SND1: variants seen among roughly 807,000 people sequenced by gnomAD.
The protein encoded by SND1 is staphylococcal nuclease and tudor domain containing 1.
Under a neutral mutation model 121.7 loss-of-function variants are expected in SND1, and 38 were observed. That is an observed-to-expected ratio of 0.31 (90% CI 0.24 to 0.41). The LOEUF (loss-of-function observed/expected upper bound fraction) is 0.41, where lower values mean the gene tolerates loss of function less well. Ranked by LOEUF, SND1 falls within the 10% of genes least tolerant of loss-of-function variation. The pLI, the probability that SND1 is intolerant of heterozygous loss-of-function variation, is 1.00. For synonymous variants in SND1, 401 were observed against 447.4 expected (o/e 0.90, Z 1.31); for missense variants, 868 against 1,184.6 (o/e 0.73, Z 3.92).
chr7:127,782,781 G>C (rs1041908139), intron 10 of SND1, among the ~76,000 whole-genome samples: 1 of 152,184 alleles, frequency 6.6e-6, no homozygotes, highest in African/African-American at 2.4e-5. Flanking sequence ...CTGTAGTGGG[G>C]GCAGGGAGAG....
At chr7:127,778,477 G>A (rs762088604) in intron 10 of SND1, among the ~76,000 whole-genome samples, 14 of 152,196 alleles carry the variant, frequency 9.2e-5, no homozygotes, top group South Asian at 2.1e-4. Flanking sequence ...GATTACAGGC[G>A]TGAGCCACCG....
intron 10 of SND1, among the ~76,000 whole-genome samples, chr7:127,764,045 AAAAAAAAC>A (rs906237118): frequency 4.8e-4 from 71 of 146,526 alleles, no homozygotes; most frequent in African/African-American, 8.2e-4. Flanking sequence ...TCGCAAAAAA[AAAAAAAAC>A]AAAAAAACAA....
At chr7:127,993,555 C>T (rs1244835734) in intron 16 of SND1, among the ~76,000 whole-genome samples, 1 of 152,250 alleles carries the variant, frequency 6.6e-6, no homozygotes, top group Admixed American at 6.5e-5. Context: ...CAGGAACTCT[C>T]CTGGAGCTGA....
chr7:128,092,433 T>TC lies in SND1; in HGVS notation c.*378dup, dbSNP rs1200734727. 1 of 250,292 alleles carries TC rather than the reference T, an allele frequency of 4.0e-6. No individual in the cohort carries two copies. The highest frequency in any genetic ancestry group is 4.9e-5 in the Admixed American group (1 of 20,394). 15.5% of individuals were successfully genotyped at this position (250,292 alleles called of 1,614,324 possible). ...GGCCGCCAGCTGGCACCTGCCTCTA[T>TC]CCCAGACTGCCCTCGTCCCAGCTCT... On this transcript the variant is annotated 3_prime_UTR_variant, in exon 24 of 24. Transcript: ENST00000354725. The surrounding 1 kb of genome is among the most constrained non-coding windows in gnomAD (Gnocchi z 4.9).
chr7:127,922,683 T>C (rs3808082), intron 14 of SND1, among the ~76,000 whole-genome samples: 90,277 of 152,044 alleles, frequency 0.59, 27,228 homozygotes, highest in East Asian at 0.75. Flanking sequence ...TTCCTTCTTC[T>C]AGTTGGGCAA....
At chr7:127,918,138 C>T (rs1563057792) in intron 14 of SND1, among the ~76,000 whole-genome samples, 1 of 151,326 alleles carries the variant, frequency 6.6e-6, no homozygotes, top group Non-Finnish European at 1.5e-5. Flanking sequence ...TCCCAGCTCA[C>T]TGCAACCTCT....
chr7:127,843,326 AC>A (rs758243708), intron 11 of SND1, among the ~76,000 whole-genome samples: 2 of 152,154 alleles, frequency 1.3e-5, no homozygotes, highest in Non-Finnish European at 2.9e-5. Flanking sequence ...GCATGTATTC[AC>A]CACTATAGTG....
intron 1 of SND1, among the ~76,000 whole-genome samples, chr7:127,669,311 A>G (rs1346841404): frequency 3.3e-5 from 5 of 152,212 alleles, no homozygotes; most frequent in Admixed American, 3.3e-4. Context: ...TTTTTACAGT[A>G]TATCAAATTT....
intron 10 of SND1, among the ~76,000 whole-genome samples, chr7:127,751,496 G>A (rs566400998): frequency 2.4e-4 from 37 of 152,292 alleles, no homozygotes; most frequent in Non-Finnish European, 5.3e-4. Context: ...TAGATGAATT[G>A]AGCCATGGTT....
In SND1 at chr7:127,698,299, C is replaced by T. The variant is rs560196618; in HGVS notation, c.350-576C>T. 2.0e-5 allele frequency among the ~76,000 whole-genome samples: 3 copies of T among 152,236 alleles called. No individual in the cohort carries two copies. In the East Asian group the frequency reaches 5.8e-4, roughly 29 times the overall value. On this transcript the variant is annotated intron_variant, in intron 3 of 23. Transcript: ENST00000354725. The stretch of plus-strand genomic sequence containing the variant: ...TCTGGCATAACGTGTGATAGCCAGC[C>T]CTAAATGAATCCGTCTCTCTGATCG...
At chr7:127,820,093 G>A (rs909242598) in intron 11 of SND1, among the ~76,000 whole-genome samples, 2 of 152,214 alleles carry the variant, frequency 1.3e-5, no homozygotes, top group Non-Finnish European at 2.9e-5. Flanking sequence ...TACCAGGTTA[G>A]GGTCAAAGCA....
rs115494327 is a variant in SND1 at position 127,940,738 on chromosome 7, A to G, written c.1669+11409A>G. 6.0e-4 allele frequency among the ~76,000 whole-genome samples: 92 copies of G among 152,322 alleles called. 1 individual carries two copies. The highest frequency in any genetic ancestry group is 2.1e-3 in the African/African-American group (88 of 41,572). On this transcript the variant is annotated intron_variant, in intron 15 of 23. Transcript: ENST00000354725. ...TGAGTTTCTTTCAAAAGTTTTTCTG[A>G]GGCTTCCCCAGTCAGATGGGCTGGA...
intron 1 of SND1, among the ~76,000 whole-genome samples, chr7:127,685,533 T>C (rs1236359749): frequency 6.6e-6 from 1 of 152,238 alleles, no homozygotes; most frequent in Non-Finnish European, 1.5e-5. Context: ...GCTTGGGTCG[T>C]TTTTCCCTTA....
chr7:127,969,479 A>G (rs1323474504), intron 15 of SND1, among the ~76,000 whole-genome samples: 38 of 152,216 alleles, frequency 2.5e-4, no homozygotes, highest in Admixed American at 2.4e-3. Context: ...TAATCCCAGC[A>G]CTTTGGGAGG....
chr7:127,705,919 C>A (rs1796184905), intron 8 of SND1, among the ~76,000 whole-genome samples: 1 of 152,094 alleles, frequency 6.6e-6, no homozygotes, highest in Non-Finnish European at 1.5e-5. Context: ...GTATTTATTC[C>A]ATTTCTTAGG....
intron 15 of SND1, among the ~76,000 whole-genome samples, chr7:127,947,875 T>C (rs1344943550): frequency 3.3e-5 from 5 of 152,186 alleles, no homozygotes; most frequent in African/African-American, 1.2e-4. Flanking sequence ...TTATGGCCAG[T>C]TGTTTTATTG....
intron 1 of SND1, among the ~76,000 whole-genome samples, chr7:127,657,304 G>A (rs1296094866): frequency 6.6e-6 from 1 of 152,068 alleles, no homozygotes; most frequent in Non-Finnish European, 1.5e-5. Context: ...TAAGGGACTG[G>A]GACAGAGTGG....
At chr7:127,741,296 A>G (rs73723063) in intron 10 of SND1, among the ~76,000 whole-genome samples, 2,605 of 152,296 alleles carry the variant, frequency 0.017, 93 homozygotes, top group African/African-American at 0.059. Flanking sequence ...AACTTTCTCA[A>G]GAAGTAAAAT....
intron 10 of SND1, among the ~76,000 whole-genome samples, chr7:127,759,517 C>T (rs1472957555): frequency 6.6e-6 from 1 of 152,118 alleles, no homozygotes; most frequent in African/African-American, 2.4e-5. Context: ...ATCTCCAGGT[C>T]AGCCCTAGAG....
Sources: allele counts gnomAD v4.1 joint callset (sites outside exome capture counted in the v4.1 genomes callset), GRCh38; gene constraint gnomAD v4.1.1; non-coding constraint Gnocchi (gnomAD v3.1); transcripts MANE v1.5; gene names NCBI Gene and HGNC (gene_info 2026-07-23, HGNC 2026-07-21).